PDE10A: variants seen among roughly 807,000 people sequenced by gnomAD.
The protein encoded by PDE10A is phosphodiesterase 10A.
In PDE10A, 39 loss-of-function variants were observed where a neutral mutation model predicts 97.7. The ratio of observed to expected loss-of-function variants is 0.40; its 90% confidence interval spans 0.31 to 0.52. The LOEUF (loss-of-function observed/expected upper bound fraction) is 0.52. Ranked by LOEUF, PDE10A falls within the 20% of genes least tolerant of loss-of-function variation. PDE10A has a pLI of 0.56. For synonymous variants in PDE10A, 371 were observed against 376.8 expected (o/e 0.98, Z 0.18); for missense variants, 731 against 1,047.8 (o/e 0.70, Z 4.17).
chr6:165,446,148 T>G (rs1278173941), intron 5 of PDE10A, among the ~76,000 whole-genome samples: 2 of 152,220 alleles, frequency 1.3e-5, no homozygotes, highest in Admixed American at 1.3e-4. Context: ...TAGTCAATAT[T>G]CAGAGAGATA....
At chr6:165,920,108 A>AT (rs965794710) in intron 1 of PDE10A, among the ~76,000 whole-genome samples, 2 of 152,194 alleles carry the variant, frequency 1.3e-5, no homozygotes, top group African/African-American at 4.8e-5. Flanking sequence ...CTGGTTACAA[A>AT]TTTTTTTGGA....
chr6:165,643,549 C>T (rs967766261), intron 1 of PDE10A, among the ~76,000 whole-genome samples: 2 of 152,044 alleles, frequency 1.3e-5, no homozygotes, highest in African/African-American at 4.8e-5. Flanking sequence ...TTTTGGAAAT[C>T]GGAGAAAGTC....
rs768379174 is a variant in PDE10A at position 165,395,210 on chromosome 6, G to A, written c.2274C>T (p.Tyr758=). The A allele has an allele frequency of 2.5e-6, 4 of 1,613,282 alleles. No individual in the cohort carries two copies. Among genetic ancestry groups the A allele is most frequent in the Non-Finnish European group, 2.5e-6 (3 of 1,179,376 alleles). ...FENMWPGIFV[Y]MVHRSCGTSC... Reference sequence around the variant, plus strand: ...ATGTCCCACAGGACCGATGAACCATGTAGACAAAAATTCCAGGCCACATGT... The same window carrying A: ...ATGTCCCACAGGACCGATGAACCATATAGACAAAAATTCCAGGCCACATGT... Residue 758 remains tyrosine (Y), a synonymous_variant, in exon 15 of 22, where the codon TAC becomes TAT. Transcript: ENST00000539869.
At chr6:165,541,543 C>T (rs1017216291) in intron 2 of PDE10A, among the ~76,000 whole-genome samples, 9 of 152,168 alleles carry the variant, frequency 5.9e-5, no homozygotes, top group African/African-American at 2.2e-4. Context: ...GACCTGTACT[C>T]AATTTCATAT....
chr6:165,483,223 T>C (rs1399794043), intron 2 of PDE10A, among the ~76,000 whole-genome samples: 2 of 152,240 alleles, frequency 1.3e-5, no homozygotes, highest in Non-Finnish European at 2.9e-5. Flanking sequence ...TCCTGTGTCT[T>C]CTTGAGCAAT....
intron 16 of PDE10A, among the ~76,000 whole-genome samples, chr6:165,390,982 C>T (rs1370478200): frequency 6.6e-6 from 1 of 152,032 alleles, no homozygotes; most frequent in Non-Finnish European, 1.5e-5. Flanking sequence ...TCATGATGTA[C>T]CTGATAAGAA....
At chr6:165,360,179 T>C (rs529199747) in intron 18 of PDE10A, among the ~76,000 whole-genome samples, 1 of 152,310 alleles carries the variant, frequency 6.6e-6, no homozygotes, top group South Asian at 2.1e-4. Flanking sequence ...TTCCAAATAC[T>C]GTGTGATCCC....
At chr6:165,749,631 T>C (rs1011066256) in intron 1 of PDE10A, among the ~76,000 whole-genome samples, 1 of 152,272 alleles carries the variant, frequency 6.6e-6, no homozygotes, top group Non-Finnish European at 1.5e-5. Flanking sequence ...TTCTGTTGGA[T>C]GCACCTTTTA....
chr6:165,452,145 G>C (rs1177735930), intron 3 of PDE10A, among the ~76,000 whole-genome samples: 3 of 152,192 alleles, frequency 2.0e-5, no homozygotes, highest in Non-Finnish European at 2.9e-5. Context: ...ACCTGGCTCT[G>C]GTGCAGGCCA....
chr6:165,861,106 T>C (rs1211438907), intron 1 of PDE10A, among the ~76,000 whole-genome samples: 2 of 152,182 alleles, frequency 1.3e-5, no homozygotes, highest in African/African-American at 4.8e-5. Flanking sequence ...CGAAGAGTGT[T>C]CAGGCCCGTA....
chr6:165,757,861 A>G (rs2128457290), intron 1 of PDE10A, among the ~76,000 whole-genome samples: 1 of 152,348 alleles, frequency 6.6e-6, no homozygotes, highest in African/African-American at 2.4e-5. Flanking sequence ...CATAATTTAG[A>G]GAGAATTGAC....
chr6:165,800,804 G>T (rs1778963573), intron 1 of PDE10A, among the ~76,000 whole-genome samples: 1 of 152,236 alleles, frequency 6.6e-6, no homozygotes, highest in African/African-American at 2.4e-5. Flanking sequence ...CACGTCTGAA[G>T]ACTGTATTAC....
intron 1 of PDE10A, among the ~76,000 whole-genome samples, chr6:165,813,582 T>C (rs1779335428): frequency 1.3e-5 from 2 of 152,200 alleles, no homozygotes; most frequent in South Asian, 4.1e-4. Flanking sequence ...TATTTAAAGA[T>C]GACAATGCAT....
At chr6:165,724,069 G>A (rs1451841776) in intron 1 of PDE10A, among the ~76,000 whole-genome samples, 2 of 152,100 alleles carry the variant, frequency 1.3e-5, no homozygotes, top group East Asian at 1.9e-4. Flanking sequence ...ACAAGAGGAC[G>A]GAATATTAGT....
intron 1 of PDE10A, among the ~76,000 whole-genome samples, chr6:165,595,693 T>A: frequency 6.6e-6 from 1 of 152,200 alleles, no homozygotes; most frequent in Middle Eastern, 3.4e-3. Flanking sequence ...ATTTTTCACA[T>A]TTCTGAAGGC....
chr6:165,591,169 T>G (rs1399262204), intron 1 of PDE10A, among the ~76,000 whole-genome samples: 1 of 152,170 alleles, frequency 6.6e-6, no homozygotes, highest in Admixed American at 6.5e-5. Flanking sequence ...TGTAATTCAT[T>G]GTAAATTTGG....
At chr6:165,904,347 A>G (rs1381385573) in intron 1 of PDE10A, among the ~76,000 whole-genome samples, 1 of 152,186 alleles carries the variant, frequency 6.6e-6, no homozygotes, top group African/African-American at 2.4e-5. Context: ...ATGGGCCTAC[A>G]TTGGGAAAGA....
intron 1 of PDE10A, among the ~76,000 whole-genome samples, chr6:165,817,335 G>T (rs1215379112): frequency 6.6e-6 from 1 of 152,140 alleles, no homozygotes; most frequent in African/African-American, 2.4e-5. Context: ...TCCATCCCTA[G>T]CTTCTACAGC....
chr6:165,930,166 G>A (rs529697384), intron 1 of PDE10A, among the ~76,000 whole-genome samples: 57 of 152,258 alleles, frequency 3.7e-4, no homozygotes, highest in African/African-American at 1.3e-3. Context: ...GCATGAGGGT[G>A]GCAGGTGGGA....
Sources: allele counts gnomAD v4.1 joint callset (sites outside exome capture counted in the v4.1 genomes callset), GRCh38; gene constraint gnomAD v4.1.1; transcripts MANE v1.5; gene names NCBI Gene and HGNC (gene_info 2026-07-23, HGNC 2026-07-21).